Variants in C1orf54 observed in about 807,000 individuals in gnomAD.
The protein encoded by C1orf54 is uncharacterized protein C1orf54.
In C1orf54, 12 loss-of-function variants were observed where a neutral mutation model predicts 14.7. The ratio of observed to expected loss-of-function variants is 0.82; its 90% CI spans 0.52 to 1.32. The LOEUF is 1.32. C1orf54 is among the 40% of genes most tolerant of loss of function. The pLI is 0.00. For synonymous variants in C1orf54, 65 were observed against 56.3 expected, an observed-to-expected ratio of 1.16 and a Z score of -0.70; for missense variants, 163 against 162.2, an observed-to-expected ratio of 1.00 and a Z score of -0.03.
chr1:150,274,897 A>T (rs1652514096), intron 2 of C1orf54, among the ~76,000 whole-genome samples: 1 of 117,242 alleles, frequency 8.5e-6, no homozygotes, highest in African/African-American at 3.5e-5. Context: ...TGGGCGACAG[A>T]ATGAGACTAC....
chr1:150,275,927 A>C (rs1652609905), intron 3 of C1orf54, 128 bp downstream of exon 3: 2 of 758,086 alleles, frequency 2.6e-6, no homozygotes, highest in Non-Finnish European at 4.2e-6. Context: ...ATTTGAGGTC[A>C]AGAGTTTGAG....
In C1orf54 at chr1:150,275,733, CT is replaced by C; in HGVS notation, c.131-7del. 6.2e-7 allele frequency: 1 copy of C among 1,604,686 alleles called. No individual in the cohort carries two copies. The highest frequency in any genetic ancestry group is 2.2e-5 in the East Asian group (1 of 44,780). ...TTAATTATTACTGATTTTCTTTCTCCTCTGCAGATGACTTTAGTGCAGATTT... is the reference window on the plus strand; with the variant it reads ...TTAATTATTACTGATTTTCTTTCTCCCTGCAGATGACTTTAGTGCAGATTT... On this transcript the variant is annotated splice_region_variant and splice_polypyrimidine_tract_variant and intron_variant, in intron 2 of 5. Transcript: ENST00000369099.
Position 150,274,186 on chromosome 1 carries a change from G to T in C1orf54, c.130+16G>T, listed in dbSNP as rs1652442221. The T allele has an allele frequency of 6.3e-7, 1 of 1,577,988 alleles. No individual in the cohort carries two copies. Among genetic ancestry groups the T allele is most frequent in the Non-Finnish European group, 8.7e-7 (1 of 1,148,126 alleles). On this transcript the variant is annotated intron_variant, in intron 2 of 5. Transcript: ENST00000369099. ...CCCAGTTATGGTGAGTACATGAAAG[G>T]CTCTTGCCCTTAGCCAACTGGAGAG...
chr1:150,279,624 G>T lies in C1orf54; in HGVS notation c.301-19G>T. ...GAATGACACCAGCCTACTGTGTGGG[G>T]ATGTCGGTATTTTAGCAGAGTCCAG... On this transcript the variant is annotated intron_variant, in intron 4 of 5. Transcript: ENST00000369099. 2 of 1,603,242 alleles carry T rather than the reference G, an allele frequency of 1.2e-6. No individual in the cohort carries two copies. Among genetic ancestry groups the T allele is most frequent in the Non-Finnish European group, 1.7e-6 (2 of 1,174,266 alleles).
intron 5 of C1orf54, 72 bp downstream of exon 5, chr1:150,279,813 G>A: frequency 7.8e-7 from 1 of 1,279,920 alleles, no homozygotes; most frequent in Non-Finnish European, 1.1e-6. Context: ...CTAAACCGAA[G>A]TAATTCTTAC....
intron 5 of C1orf54, among the ~76,000 whole-genome samples, chr1:150,280,547 C>T (rs1159454214): frequency 3.9e-5 from 6 of 152,080 alleles, no homozygotes; most frequent in Non-Finnish European, 8.8e-5. Context: ...GAACGGATGG[C>T]GGTTCTCTGA....
chr1:150,271,227 T>A (rs905989630), upstream of C1orf54, among the ~76,000 whole-genome samples: 1 of 151,724 alleles, frequency 6.6e-6, no homozygotes, highest in South Asian at 2.1e-4. Flanking sequence ...ATTCTCCTGC[T>A]TCAGCCTCCC....
upstream of C1orf54, chr1:150,268,754 C>G: frequency 6.2e-7 from 1 of 1,613,854 alleles, no homozygotes; most frequent in Non-Finnish European, 8.5e-7. Flanking sequence ...TCAAGAAAAG[C>G]GCGAAGGCCG....
At chr1:150,273,627 A>C (rs1652388038) in intron 1 of C1orf54, among the ~76,000 whole-genome samples, 1 of 152,202 alleles carries the variant, frequency 6.6e-6, no homozygotes, top group African/African-American at 2.4e-5. Context: ...GTTAGCAGTG[A>C]AGGTGGAACT....
At chr1:150,275,183 C>T (rs1220110371) in intron 2 of C1orf54, among the ~76,000 whole-genome samples, 2 of 151,712 alleles carry the variant, frequency 1.3e-5, no homozygotes, top group South Asian at 4.2e-4. Context: ...GGACTACAGG[C>T]GTGTGCTACC....
chr1:150,275,045 T>TA (rs1342087072), intron 2 of C1orf54, among the ~76,000 whole-genome samples: 2 of 1,572 alleles, frequency 1.3e-3, no homozygotes, highest in Non-Finnish European at 1.9e-3. Context: ...GAAAAAAAAA[T>TA]TTTTTTTTTT....
intron 5 of C1orf54, among the ~76,000 whole-genome samples, chr1:150,280,377 T>C (rs1055971184): frequency 7.2e-5 from 11 of 152,204 alleles, no homozygotes; most frequent in Admixed American, 2.0e-4. Flanking sequence ...CTAGAGCAGA[T>C]AGATGATGGG....
intron 5 of C1orf54, among the ~76,000 whole-genome samples, chr1:150,280,007 T>C (rs1210487603): frequency 2.6e-5 from 4 of 151,980 alleles, no homozygotes; most frequent in Admixed American, 6.6e-5. Flanking sequence ...ACCTTGTCTC[T>C]ACAAAAAAAT....
At chr1:150,272,931 A>T (rs1652319042) in intron 1 of C1orf54, 68 bp downstream of exon 1, 2 of 1,540,658 alleles carry the variant, frequency 1.3e-6, no homozygotes, top group Admixed American at 3.3e-5. Context: ...GGAGAAAAAA[A>T]ATGAGGAGTG....
intron 4 of C1orf54, among the ~76,000 whole-genome samples, chr1:150,277,142 G>A (rs1652723596): frequency 1.3e-5 from 2 of 152,170 alleles, no homozygotes; most frequent in African/African-American, 2.4e-5. Context: ...GAATAGATGA[G>A]CTTTTGATTG....
intron 5 of C1orf54, 85 bp downstream of exon 5, chr1:150,279,826 G>A: frequency 8.8e-7 from 1 of 1,135,248 alleles, no homozygotes; most frequent in Non-Finnish European, 1.3e-6. Flanking sequence ...ATTCTTACCA[G>A]TATCTCTAGT....
chr1:150,271,674 A>G (rs145736230), upstream of C1orf54, among the ~76,000 whole-genome samples: 2 of 152,374 alleles, frequency 1.3e-5, no homozygotes, highest in Non-Finnish European at 2.9e-5. Flanking sequence ...AATTGAATGA[A>G]CATGGGAAAC....
In C1orf54 at chr1:150,277,800, A is replaced by G. The variant is rs782287789; in HGVS notation, c.300+1168A>G. On this transcript the variant is annotated intron_variant, in intron 4 of 5. Coordinates refer to ENST00000369099, the MANE Select transcript of C1orf54 (RefSeq NM_024579.4). ...TATGGTAAAAACACGATGAAAAGTG[A>G]TATTTTAGAAAAACCGGCCAGGTGT... Among the ~76,000 whole-genome samples, 5 of 152,302 alleles carry G rather than the reference A, an allele frequency of 3.3e-5. No homozygotes were observed. In the South Asian group the frequency reaches 6.2e-4, roughly 19 times the overall value.
chr1:150,270,536 A>G (rs1553851059), upstream of C1orf54, among the ~76,000 whole-genome samples: 1 of 152,064 alleles, frequency 6.6e-6, no homozygotes, highest in African/African-American at 2.4e-5. Flanking sequence ...CCAGCTACTC[A>G]GGAGGCTGAG....
Sources: gnomAD v4.1 joint callset for allele counts (sites outside exome capture counted in the v4.1 genomes callset) on GRCh38, gnomAD v4.1.1 for gene constraint, MANE v1.5 for transcripts, NCBI Gene and HGNC (gene_info 2026-07-23, HGNC 2026-07-21) for gene names.